The following PCDHGA10 variants were observed in gnomAD, a reference collection of about 807,000 sequenced individuals.
PCDHGA10 encodes protocadherin gamma subfamily A, 10, also known as protocadherin gamma-A10.
Under a neutral mutation model 59.5 loss-of-function variants are expected in PCDHGA10, and 42 were observed. The observed-to-expected ratio is 0.71, with a 90% CI of 0.55 to 0.91. The LOEUF is 0.91. Among genes scored for constraint, PCDHGA10 ranks in the 40% least tolerant of loss-of-function variants. The pLI is 0.00. For synonymous variants in PCDHGA10, 511 were observed against 517.2 expected (o/e 0.99, Z 0.16); for missense variants, 1,111 against 1,198.2 (o/e 0.93, Z 1.07).
intron 1 of PCDHGA10, chr5:141,427,723 G>T: frequency 8.9e-7 from 1 of 1,127,490 alleles, no homozygotes; most frequent in East Asian, 2.4e-5. Flanking sequence ...CTGGACCTAG[G>T]GCTGAATGGC....
At chr5:141,446,208 G>GAT (rs1387839424) in intron 1 of PCDHGA10, among the ~76,000 whole-genome samples, 1 of 152,156 alleles carries the variant, frequency 6.6e-6, no homozygotes, top group Non-Finnish European at 1.5e-5. Context: ...CTAGGTGTCT[G>GAT]AAAATATTGT....
In PCDHGA10 at chr5:141,477,247, T is replaced by C; in HGVS notation, c.2437-17560T>C. On this transcript the variant is annotated intron_variant, in intron 1 of 3. Transcript: ENST00000398610. This position sits in a 1 kb window ranked among gnomAD's most constrained non-coding sequence, Gnocchi z 4.9. ...CTGTCATCGCTTTGCTCAGTGTGAC[T>C]GACCTGGATGCTGGCGAGAACGGGC... The C allele has an allele frequency of 6.2e-7, 1 of 1,614,208 alleles. No individual in the cohort carries two copies. Among genetic ancestry groups the C allele is most frequent in the Non-Finnish European group, 8.5e-7 (1 of 1,180,040 alleles).
chr5:141,422,259 C>T (rs751340056), intron 1 of PCDHGA10: 2 of 1,565,034 alleles, frequency 1.3e-6, no homozygotes, highest in Non-Finnish European at 1.7e-6. Flanking sequence ...TGAATGATAA[C>T]GCTCCAGAAA....
At chr5:141,437,381 C>T (rs2097879875) in intron 1 of PCDHGA10, among the ~76,000 whole-genome samples, 1 of 152,222 alleles carries the variant, frequency 6.6e-6, no homozygotes, top group Non-Finnish European at 1.5e-5. Flanking sequence ...AGTCAGAAGA[C>T]ATTCATCCAC....
Position 141,487,779 on chromosome 5 carries a change from T to C in PCDHGA10, c.2437-7028T>C, listed in dbSNP as rs1269811316. On this transcript the variant is annotated intron_variant, in intron 1 of 3. Coordinates refer to ENST00000398610, the MANE Select transcript of PCDHGA10 (RefSeq NM_018913.3). This position sits in a 1 kb window ranked among gnomAD's most constrained non-coding sequence, Gnocchi z 5.0. ...GTAGACGCTGTGCTTTGTAACTGTT[T>C]CGTGAATTAACCAGAGTTGTCACAG... is the stretch of plus-strand genomic sequence containing the variant. 2.6e-6 allele frequency: 4 copies of C among 1,530,492 alleles called. No individual in the cohort carries two copies. The highest frequency in any genetic ancestry group is 2.6e-6 in the Non-Finnish European group (3 of 1,133,212). The allele number at this position is 1,530,492 out of a possible 1,614,324, so 94.8% of individuals were successfully genotyped here. A position where few individuals can be genotyped will look rare whatever the true frequency, so the allele number is the denominator to read the frequency against.
intron 1 of PCDHGA10, among the ~76,000 whole-genome samples, chr5:141,448,772 G>C (rs1034550563): frequency 1.5e-4 from 22 of 151,272 alleles, no homozygotes; most frequent in African/African-American, 3.7e-4. Context: ...AACCCCGTCT[G>C]TACTAAAAAT....
At chr5:141,436,335 A>T (rs2097814208) in intron 1 of PCDHGA10, among the ~76,000 whole-genome samples, 1 of 152,172 alleles carries the variant, frequency 6.6e-6, no homozygotes, top group African/African-American at 2.4e-5. Flanking sequence ...ACCATATCTC[A>T]AATATCAGTG....
intron 1 of PCDHGA10, among the ~76,000 whole-genome samples, chr5:141,456,946 G>A (rs182320066): frequency 2.3e-4 from 35 of 152,284 alleles, no homozygotes; most frequent in Admixed American, 2.3e-3. Context: ...CTGGGCAACA[G>A]AGCAAAACTC....
chr5:141,477,708 G>T lies in PCDHGA10; in HGVS notation c.2437-17099G>T. ...GTGCCCCTAGACTATGAGGATCGGC[G>T]GGAATTTGAATTAACAGCTCATATC... On this transcript the variant is annotated intron_variant, in intron 1 of 3. Transcript: ENST00000398610. The surrounding 1 kb of genome is among the most constrained non-coding windows in gnomAD (Gnocchi z 4.9). 2 of 1,613,930 alleles carry T rather than the reference G, an allele frequency of 1.2e-6. No individual in the cohort carries two copies. Among genetic ancestry groups the T allele is most frequent in the Non-Finnish European group, 1.7e-6 (2 of 1,180,030 alleles).
intron 1 of PCDHGA10, among the ~76,000 whole-genome samples, chr5:141,450,830 T>TTTA (rs1554136905): frequency 6.9e-5 from 7 of 101,548 alleles, no homozygotes; most frequent in East Asian, 2.6e-4. Flanking sequence ...ATTATTATTA[T>TTTA]TTTTTTTTTT....
In PCDHGA10 at chr5:141,491,721, C is replaced by T. The variant is rs761584159; in HGVS notation, c.2437-3086C>T. On this transcript the variant is annotated intron_variant, in intron 1 of 3. Transcript: ENST00000398610. The surrounding 1 kb of genome is among the most constrained non-coding windows in gnomAD (Gnocchi z 6.9). The stretch of plus-strand genomic sequence containing the variant: ...GCCAGGTGAGGGGCTCGGCGCCGCC[C>T]CGGGCGACCCCTGGGGGCGGCACTG... 3 of 1,607,250 alleles carry T rather than the reference C, an allele frequency of 1.9e-6. No homozygotes were observed. Among genetic ancestry groups the T allele is most frequent in the Admixed American group, 1.7e-5 (1 of 58,860 alleles).
rs533830391 is a variant in PCDHGA10, at chr5:141,492,559, C to T, written c.2437-2248C>T. 4.6e-5 allele frequency among the ~76,000 whole-genome samples: 7 copies of T among 152,292 alleles called. No homozygotes were observed. The East Asian group carries it at 1.4e-3, about 29-fold the overall frequency. The stretch of plus-strand genomic sequence containing the variant: ...GGGCTGGGCCGGGTCGCCTGGGGGG[C>T]GGCCTGAGCGAGGCGCGGGGCCAGG... On this transcript the variant is annotated intron_variant, in intron 1 of 3. Coordinates refer to ENST00000398610, the MANE Select transcript of PCDHGA10 (RefSeq NM_018913.3).
chr5:141,418,081 C>T lies in PCDHGA10; in HGVS notation c.2436+2470C>T, dbSNP rs190197904. On this transcript the variant is annotated intron_variant, in intron 1 of 3. Transcript: ENST00000398610. Reference sequence around the variant, plus strand: ...TGCGAGTGAGCGCGGAGAAGCTGCACTTCAGCGTAGACGCGCAGAGCGGGG... The same window carrying T: ...TGCGAGTGAGCGCGGAGAAGCTGCATTTCAGCGTAGACGCGCAGAGCGGGG... 331 of 1,614,072 alleles carry T rather than the reference C, an allele frequency of 2.1e-4. 3 individuals are homozygous for T. The African/African-American group carries it at 4.0e-3, about 19-fold the overall frequency.
At chr5:141,421,164 A>C (rs1304650780) in intron 1 of PCDHGA10, 9 of 1,286,298 alleles carry the variant, frequency 7.0e-6, no homozygotes, top group Non-Finnish European at 9.4e-6. Context: ...GACTTCATAG[A>C]TACATAAGCC....
intron 2 of PCDHGA10, among the ~76,000 whole-genome samples, chr5:141,495,720 G>A (rs1048453188): frequency 2.6e-5 from 4 of 152,080 alleles, no homozygotes; most frequent in Non-Finnish European, 5.9e-5. Context: ...GTAACTACAC[G>A]GGACCCTTAG....
At chr5:141,420,327 A>G in intron 1 of PCDHGA10, 1 of 1,425,478 alleles carries the variant, frequency 7.0e-7, no homozygotes, top group South Asian at 1.5e-5. Context: ...ATGCCAATAT[A>G]TTCCAATATA....
intron 1 of PCDHGA10, among the ~76,000 whole-genome samples, chr5:141,488,655 G>C (rs1438020338): frequency 6.6e-6 from 1 of 152,164 alleles, no homozygotes. Flanking sequence ...GATGGGGGAG[G>C]GTGGGGGAAT....
Position 141,432,098 on chromosome 5 carries a change from G to C in PCDHGA10, c.2436+16487G>C, listed in dbSNP as rs771050429. The C allele has an allele frequency of 1.9e-6, 3 of 1,613,938 alleles. No homozygotes were observed. The highest frequency in any genetic ancestry group is 1.7e-5 in the Admixed American group (1 of 59,992). On this transcript the variant is annotated intron_variant, in intron 1 of 3. Transcript: ENST00000398610. The surrounding 1 kb of genome is among the most constrained non-coding windows in gnomAD (Gnocchi z 6.0). ...CTCGCTGAACGTGGCAGACACCAAC[G>C]ACAACCCGCCGGTCTTCCCTCAGGC...
chr5:141,432,137 T>A lies in PCDHGA10; in HGVS notation c.2436+16526T>A. On this transcript the variant is annotated intron_variant, in intron 1 of 3. Coordinates refer to ENST00000398610, the MANE Select transcript of PCDHGA10 (RefSeq NM_018913.3). The surrounding 1 kb of genome is among the most constrained non-coding windows in gnomAD (Gnocchi z 6.0). ...CTTCCCTCAGGCCTCCTATTCCGCT[T>A]ATATCCCAGAGAACAATCCCAGAGG... 6.2e-7 allele frequency: 1 copy of A among 1,613,964 alleles called. No homozygotes were observed. Among genetic ancestry groups the A allele is most frequent in the Non-Finnish European group, 8.5e-7 (1 of 1,179,984 alleles).
Sources: gnomAD v4.1 joint callset for allele counts (sites outside exome capture counted in the v4.1 genomes callset) on GRCh38, gnomAD v4.1.1 for gene constraint, Gnocchi (gnomAD v3.1) non-coding constraint, MANE v1.5 for transcripts, NCBI Gene and HGNC (gene_info 2026-07-23, HGNC 2026-07-21) for gene names.